Variants in ZNF451 observed in about 807,000 individuals in gnomAD.
ZNF451 encodes the protein E3 SUMO-protein ligase ZNF451.
A neutral mutation model predicts 107.1 loss-of-function variants in ZNF451; 80 were observed. That is an observed-to-expected ratio of 0.75 (90% CI 0.62 to 0.90). ZNF451 has a LOEUF of 0.90. Ranked by LOEUF, ZNF451 falls within the 40% of genes least tolerant of loss-of-function variation. The pLI, the probability that ZNF451 is intolerant of heterozygous loss-of-function variation, is 0.00. For missense variants in ZNF451, 1,107 were observed against 1,236.2 expected (o/e 0.90, Z 1.57); for synonymous variants, 362 against 406.5 (o/e 0.89, Z 1.32).
intron 3 of ZNF451, chr6:57,109,107 T>G: frequency 1.0e-6 from 1 of 985,434 alleles, no homozygotes; most frequent in Non-Finnish European, 1.2e-6. Flanking sequence ...TCCTGATTAT[T>G]TCACTTGTCA....
chr6:57,094,418 C>T (rs1240492959), intron 2 of ZNF451, among the ~76,000 whole-genome samples: 2 of 152,246 alleles, frequency 1.3e-5, no homozygotes, highest in South Asian at 4.1e-4. Flanking sequence ...AAGCAACCCT[C>T]CCTCCCCAGC....
At chr6:57,143,421 G>T (rs1562618957) in intron 9 of ZNF451, among the ~76,000 whole-genome samples, 1 of 151,882 alleles carries the variant, frequency 6.6e-6, no homozygotes, top group Non-Finnish European at 1.5e-5. Context: ...ATTCTCTGTT[G>T]TTTGCCCATT....
intron 2 of ZNF451, among the ~76,000 whole-genome samples, chr6:57,097,817 A>G (rs1238128086): frequency 6.6e-6 from 1 of 152,062 alleles, no homozygotes; most frequent in Non-Finnish European, 1.5e-5. Context: ...TTCAGCCCAT[A>G]GGAATGTCAG....
At chr6:57,142,664 G>A (rs1831829504) in intron 9 of ZNF451, among the ~76,000 whole-genome samples, 1 of 152,078 alleles carries the variant, frequency 6.6e-6, no homozygotes, top group Admixed American at 6.6e-5. Flanking sequence ...TGAATACTTT[G>A]CACAGGTCTT....
At chr6:57,118,590 C>A (rs1830482275) in intron 3 of ZNF451, among the ~76,000 whole-genome samples, 1 of 152,128 alleles carries the variant, frequency 6.6e-6, no homozygotes, top group African/African-American at 2.4e-5. Flanking sequence ...TCAAGCAATC[C>A]TCCTGCCTCA....
In ZNF451 at chr6:57,141,930, GTTTAT is replaced by G. The variant is rs1250887193; in HGVS notation, c.857-14_857-10del. The G allele has an allele frequency of 1.2e-6, 2 of 1,608,936 alleles. No homozygotes were observed. The highest frequency in any genetic ancestry group is 1.7e-6 in the Non-Finnish European group (2 of 1,176,706). ...TACTCAAATAACTTTGCAAATTATA[GTTTAT>G]TTTGTCTTTCAGATAACAAAGGAAT... On this transcript the variant is annotated splice_polypyrimidine_tract_variant and intron_variant, in intron 8 of 14. Transcript: ENST00000370706.
At chr6:57,096,341 T>G (rs985542442) in intron 2 of ZNF451, among the ~76,000 whole-genome samples, 1 of 151,404 alleles carries the variant, frequency 6.6e-6, no homozygotes. Context: ...CCCACCACCA[T>G]GCCTGGCTAA....
At chr6:57,121,220 C>T (rs1035309079) in intron 3 of ZNF451, among the ~76,000 whole-genome samples, 2 of 152,076 alleles carry the variant, frequency 1.3e-5, no homozygotes, top group Non-Finnish European at 2.9e-5. Flanking sequence ...TTTCTGGACT[C>T]TGTTGTTTCA....
At chr6:57,148,789 CT>C in intron 10 of ZNF451, 96 bp downstream of exon 10, 1 of 1,156,048 alleles carries the variant, frequency 8.7e-7, no homozygotes, top group Non-Finnish European at 1.2e-6. Flanking sequence ...AACAGGGTAA[CT>C]TCTTGATGGT....
At chr6:57,119,977 C>T (rs1311441620) in intron 3 of ZNF451, among the ~76,000 whole-genome samples, 1 of 151,978 alleles carries the variant, frequency 6.6e-6, no homozygotes, top group East Asian at 1.9e-4. Flanking sequence ...TGGTGTTATA[C>T]ATTCTCTAGG....
At chr6:57,113,450 C>T (rs1830204677) in intron 3 of ZNF451, among the ~76,000 whole-genome samples, 1 of 151,870 alleles carries the variant, frequency 6.6e-6, no homozygotes, top group African/African-American at 2.4e-5. Context: ...TCCGCATTCC[C>T]TTTGAGTTAA....
chr6:57,152,073 G>GCTTA lies in ZNF451; in HGVS notation c.2753-147_2753-144dup, dbSNP rs1593164175. On this transcript the variant is annotated intron_variant, in intron 11 of 14. Transcript: ENST00000370706. ...GACTTTAAAGCAACAAGATGTTGATGCTTATGCTAGGATGGAGTTCTTCCA... is the reference window on the plus strand; with the variant it reads ...GACTTTAAAGCAACAAGATGTTGATGCTTACTTATGCTAGGATGGAGTTCTTCCA... 1.2e-5 allele frequency: 7 copies of GCTTA among 601,410 alleles called. No individual in the cohort carries two copies. The East Asian group carries it at 2.1e-4, about 18-fold the overall frequency. 37.3% of individuals were successfully genotyped at this position (601,410 alleles called of 1,614,324 possible). A position where few individuals can be genotyped will look rare whatever the true frequency, so the allele number is the denominator to read the frequency against.
In ZNF451 at chr6:57,108,380, C is replaced by T. The variant is rs1018729299; in HGVS notation, c.186+9239C>T. ...TTGTGATGGCTGTGTTTCACACTAC[C>T]TTGATTTATAAATGTAGTAATGTGT... On this transcript the variant is annotated intron_variant, in intron 3 of 14. Transcript: ENST00000370706. The T allele has an allele frequency of 4.1e-6, 4 of 985,088 alleles. No individual in the cohort carries two copies. The African/African-American group carries it at 7.0e-5, about 17-fold the overall frequency. 61.0% of individuals were successfully genotyped at this position (985,088 alleles called of 1,614,324 possible).
Position 57,128,805 on chromosome 6 carries a change from C to G in ZNF451, c.389C>G (p.Ala130Gly). 3.7e-6 allele frequency: 6 copies of G among 1,612,908 alleles called. No individual in the cohort carries two copies. The highest frequency in any genetic ancestry group is 5.1e-6 in the Non-Finnish European group (6 of 1,179,350). The change falls in exon 5 of 15, where the codon GCA becomes GGA. Residue 130 changes from alanine (A) to glycine (G), a missense_variant. Coordinates refer to ENST00000370706, the MANE Select transcript of ZNF451 (RefSeq NM_001031623.3). Reference protein sequence around the residue: ...FIRGHSDTEAARLCVDQWLKM... With the variant: ...FIRGHSDTEAGRLCVDQWLKM... ...CGAGGACATTCTGATACAGAAGCAG[C>G]AAGACTGTGTGTGGACCAGTGGCTA...
chr6:57,141,861 C>T (rs2127974579), intron 8 of ZNF451, 87 bp from the exon 9 acceptor site: 1 of 1,165,564 alleles, frequency 8.6e-7, no homozygotes, highest in East Asian at 2.5e-5. Context: ...CTTACTCCAA[C>T]TAATGTTGAG....
At chr6:57,138,479 G>T (rs1180786278) in intron 7 of ZNF451, among the ~76,000 whole-genome samples, 1 of 151,468 alleles carries the variant, frequency 6.6e-6, no homozygotes, top group Admixed American at 6.6e-5. Flanking sequence ...GGCCAGGCTG[G>T]TCTCGAGCTC....
At chr6:57,168,292 G>A in intron 14 of ZNF451, 131 bp from the exon 15 acceptor site, 1 of 598,122 alleles carries the variant, frequency 1.7e-6, no homozygotes, top group Non-Finnish European at 2.8e-6. Context: ...AAACTGCCAA[G>A]TTATCCTGTG....
At chr6:57,107,066 TTTACTAGTGTTTGGTACCA>T (rs1829895483) in intron 3 of ZNF451, 1 of 983,402 alleles carries the variant, frequency 1.0e-6, no homozygotes, top group African/African-American at 1.7e-5. Context: ...TAATGAAAAC[TTTACTAGTGTTTGGTACCA>T]TTGAGATAAC....
intron 4 of ZNF451, among the ~76,000 whole-genome samples, chr6:57,125,147 C>T (rs994790394): frequency 1.1e-4 from 16 of 152,050 alleles, no homozygotes; most frequent in African/African-American, 3.6e-4. Context: ...TAACAAGTTT[C>T]TGGTTATTTT....
Sources: gnomAD v4.1 joint callset for allele counts (sites outside exome capture counted in the v4.1 genomes callset) on GRCh38, gnomAD v4.1.1 for gene constraint, MANE v1.5 for transcripts, NCBI Gene and HGNC (gene_info 2026-07-23, HGNC 2026-07-21) for gene names.